ITGAE: variants seen among roughly 807,000 people sequenced by gnomAD.
ITGAE encodes the protein integrin subunit alpha E, also known as integrin alpha-E.
Under a neutral mutation model 136.5 loss-of-function variants are expected in ITGAE, and 99 were observed. That is an observed-to-expected ratio of 0.73 (90% confidence interval 0.62 to 0.86). The LOEUF (loss-of-function observed/expected upper bound fraction) is 0.86, where lower values mean the gene tolerates loss of function less well. Ranked by LOEUF, ITGAE falls within the 40% of genes least tolerant of loss-of-function variation. The pLI is 0.00. For missense variants in ITGAE, 1,447 were observed against 1,515.3 expected (o/e 0.95, Z 0.75); for synonymous variants, 613 against 591.8 (o/e 1.04, Z -0.52).
chr17:3,754,817 T>A, intron 12 of ITGAE: 1 of 202,044 alleles, frequency 4.9e-6, no homozygotes, highest in East Asian at 1.0e-4. Context: ...CCAGGTGGTC[T>A]CCAGGCCCCA....
chr17:3,748,513 G>A (rs2051777701), intron 16 of ITGAE, among the ~76,000 whole-genome samples: 1 of 152,174 alleles, frequency 6.6e-6, no homozygotes, highest in African/African-American at 2.4e-5. Context: ...CTTAAACCTG[G>A]GAGGCGGAGG....
At chr17:3,753,477 C>A (rs778809576) in intron 13 of ITGAE, 47 bp from the exon 14 acceptor site, 3 of 1,598,382 alleles carry the variant, frequency 1.9e-6, no homozygotes, top group Admixed American at 3.4e-5. Context: ...CGCTCCTGCA[C>A]CCCTCAGCAA....
rs542613337 is a variant in ITGAE at position 3,766,940 on chromosome 17, GCTT to G, written c.156-2983_156-2981del. 9.2e-5 allele frequency among the ~76,000 whole-genome samples: 14 copies of G among 151,962 alleles called. No homozygotes were observed. In the East Asian group the frequency reaches 2.7e-3, roughly 29 times the overall value. On this transcript the variant is annotated intron_variant, in intron 2 of 30. Transcript: ENST00000263087. ...ACCTGTGGTCTTTCCTGTCAAGCCTGCTTCTTCTCATCTTCCCCGCCACAGCAA... is the reference window on the plus strand; with the variant it reads ...ACCTGTGGTCTTTCCTGTCAAGCCTGCTTCTCATCTTCCCCGCCACAGCAA...
chr17:3,714,790 T>C lies in ITGAE; in HGVS notation c.*57A>G. On this transcript the variant is annotated 3_prime_UTR_variant, in exon 31 of 31. Coordinates refer to ENST00000263087, the MANE Select transcript of ITGAE (RefSeq NM_002208.5). ...CTGAAGGAAAAAGTAATGCAAAGGATGCTGGGTCTCCAAGTCCCAGGACTG... is the reference window on the plus strand; with the variant it reads ...CTGAAGGAAAAAGTAATGCAAAGGACGCTGGGTCTCCAAGTCCCAGGACTG... The C allele has an allele frequency of 1.1e-6, 1 of 943,504 alleles. No individual in the cohort carries two copies. Among genetic ancestry groups the C allele is most frequent in the Non-Finnish European group, 1.7e-6 (1 of 584,418 alleles). 58.4% of individuals were successfully genotyped at this position (943,504 alleles called of 1,614,324 possible).
chr17:3,725,030 T>C, intron 26 of ITGAE: 1 of 1,614,212 alleles, frequency 6.2e-7, no homozygotes, highest in Non-Finnish European at 8.5e-7. Context: ...TGGGAAAAGA[T>C]TCGTTCCCCA....
chr17:3,768,512 C>A (rs753982464), intron 2 of ITGAE, among the ~76,000 whole-genome samples: 1 of 152,190 alleles, frequency 6.6e-6, no homozygotes, highest in Non-Finnish European at 1.5e-5. Context: ...GGGTGACCAG[C>A]GCCAGCATTT....
intron 24 of ITGAE, among the ~76,000 whole-genome samples, chr17:3,728,668 T>C (rs2915557): frequency 0.39 from 58,229 of 148,690 alleles, 13,345 homozygotes; most frequent in African/African-American, 0.63. Context: ...CCACCGCACC[T>C]GGCCTTCTCT....
chr17:3,757,166 G>A (rs776916797), intron 9 of ITGAE, 32 bp from the exon 10 acceptor site: 34 of 1,606,904 alleles, frequency 2.1e-5, no homozygotes, highest in South Asian at 1.1e-4. Context: ...GCGAGTCAGC[G>A]CTGCGTGGAT....
chr17:3,772,252 T>C (rs1305150340), intron 2 of ITGAE, among the ~76,000 whole-genome samples: 1 of 152,152 alleles, frequency 6.6e-6, no homozygotes, highest in Non-Finnish European at 1.5e-5. Flanking sequence ...AACAGAGCTG[T>C]TATTCGGTGG....
chr17:3,759,197 T>C (rs2052104782), intron 8 of ITGAE, among the ~76,000 whole-genome samples: 1 of 151,206 alleles, frequency 6.6e-6, no homozygotes, highest in African/African-American at 2.4e-5. Context: ...AGCACTCTGC[T>C]CTCCTGCATC....
At chr17:3,783,304 C>A (rs1430611944) in intron 1 of ITGAE, among the ~76,000 whole-genome samples, 2 of 152,126 alleles carry the variant, frequency 1.3e-5, no homozygotes, top group Non-Finnish European at 2.9e-5. Context: ...CCATGCCCAG[C>A]TAAGTTTTGT....
At chr17:3,770,433 A>C (rs1348114469) in intron 2 of ITGAE, among the ~76,000 whole-genome samples, 1 of 152,044 alleles carries the variant, frequency 6.6e-6, no homozygotes, top group Non-Finnish European at 1.5e-5. Flanking sequence ...CCCAGCCCTC[A>C]GGGTCTATTT....
intron 27 of ITGAE, 38 bp from the exon 28 acceptor site, chr17:3,723,421 G>T: frequency 7.0e-7 from 1 of 1,437,750 alleles, no homozygotes; most frequent in Non-Finnish European, 9.8e-7. Flanking sequence ...ATTCCTTTCC[G>T]TGCGGAAAGT....
At chr17:3,763,622 C>T (rs1316336533) in intron 3 of ITGAE, among the ~76,000 whole-genome samples, 1 of 152,048 alleles carries the variant, frequency 6.6e-6, no homozygotes, top group Non-Finnish European at 1.5e-5. Context: ...ACAGGGTGGG[C>T]ACGCAATACG....
At chr17:3,756,928 C>T (rs552530128) in intron 10 of ITGAE, 56 bp downstream of exon 10, 137 of 1,563,886 alleles carry the variant, frequency 8.8e-5, no homozygotes, top group Middle Eastern at 6.9e-4. Context: ...GGACAGAGGC[C>T]GGGCTGGAGC....
At chr17:3,725,889 TG>T (rs763468381) in intron 26 of ITGAE, 2 of 1,611,720 alleles carry the variant, frequency 1.2e-6, no homozygotes, top group Non-Finnish European at 8.5e-7. Flanking sequence ...AGACTTACAC[TG>T]GGGGAACGTG....
chr17:3,732,218 G>T, intron 22 of ITGAE, 150 bp downstream of exon 22: 1 of 661,318 alleles, frequency 1.5e-6, no homozygotes, highest in East Asian at 2.6e-5. Context: ...CCTACTTTCA[G>T]AGCCAGCTTA....
intron 23 of ITGAE, among the ~76,000 whole-genome samples, chr17:3,729,952 GTGTGCCA>G (rs886559476): frequency 4.6e-5 from 7 of 152,138 alleles, no homozygotes; most frequent in Non-Finnish European, 1.5e-5. Context: ...ATAGGTGAAC[GTGTGCCA>G]TGGTGCTTTG....
At position 3,747,582 on chromosome 17, in the gene ITGAE, T is replaced by A. The variant is rs2051747949; in HGVS notation, c.2155+340A>T. Among the ~76,000 whole-genome samples, 11 of 152,312 alleles carry A rather than the reference T, an allele frequency of 7.2e-5. No individual in the cohort carries two copies. In the South Asian group the frequency reaches 2.1e-3, roughly 29 times the overall value. ...CCTTGGCCTCCCAAAGTGCTGGGATTACAGGCGTGAGCCACCGCGCCCGGC... is the reference window on the plus strand; with the variant it reads ...CCTTGGCCTCCCAAAGTGCTGGGATAACAGGCGTGAGCCACCGCGCCCGGC... On this transcript the variant is annotated intron_variant, in intron 17 of 30. Transcript: ENST00000263087.
Sources: gnomAD v4.1 joint callset for allele counts (sites outside exome capture counted in the v4.1 genomes callset) on GRCh38, gnomAD v4.1.1 for gene constraint, MANE v1.5 for transcripts, NCBI Gene and HGNC (gene_info 2026-07-23, HGNC 2026-07-21) for gene names.